Variants in RRM2 observed in about 807,000 individuals in gnomAD.
RRM2 encodes ribonucleoside-diphosphate reductase subunit M2.
A neutral mutation model predicts 45.9 loss-of-function variants in RRM2; 6 were observed. The ratio of observed to expected loss-of-function variants is 0.13; its 90% CI spans 0.07 to 0.26. The LOEUF (loss-of-function observed/expected upper bound fraction) is 0.26. RRM2 is among the 10% of genes least tolerant of loss of function. RRM2 has a pLI of 1.00. For missense variants in RRM2, 343 were observed against 489.5 expected, an observed-to-expected ratio of 0.70 and a Z score of 2.82; for synonymous variants, 177 against 173.0, an observed-to-expected ratio of 1.02 and a Z score of -0.18.
chr2:10,176,537 G>A (rs1663918213), intron 3 of RRM2, among the ~76,000 whole-genome samples: 1 of 152,226 alleles, frequency 6.6e-6, no homozygotes, highest in East Asian at 1.9e-4. Flanking sequence ...CAAAGTGCTG[G>A]GATTACAGGC....
Position 10,122,806 on chromosome 2 carries a change from C to T in RRM2, c.8C>T (p.Ser3Phe). Reference sequence around the variant, plus strand: ...CTTCGCTGCGCCTCCACTATGCTCTCCCTCCGTGTCCCGCTCGCGCCCATC... The same window carrying T: ...CTTCGCTGCGCCTCCACTATGCTCTTCCTCCGTGTCCCGCTCGCGCCCATC... The part of the protein sequence containing the change: ML[S>F]LRVPLAPITD... Residue 3 changes from serine to phenylalanine, a missense_variant, in exon 1 of 10, where the codon TCC becomes TTC. Around this residue, in one of 2 missense-constraint regions of RRM2, gnomAD observed 131 missense variants for 121.4 expected, o/e 1.08. Transcript: ENST00000304567. 5.0e-6 allele frequency: 8 copies of T among 1,591,734 alleles called. No homozygotes were observed. The highest frequency in any genetic ancestry group is 6.8e-6 in the Non-Finnish European group (8 of 1,170,656).
chr2:10,145,246 GC>G (rs1470575188), intron 3 of RRM2, among the ~76,000 whole-genome samples: 1 of 152,286 alleles, frequency 6.6e-6, no homozygotes, highest in South Asian at 2.1e-4. Flanking sequence ...GGTTTTTAGT[GC>G]TGTGCTGAGG....
upstream of RRM2, chr2:10,122,715 G>A: frequency 6.4e-7 from 1 of 1,551,186 alleles, no homozygotes; most frequent in Non-Finnish European, 8.7e-7. Flanking sequence ...GAGATTTAAA[G>A]GCTGCTGGAG....
At position 10,203,618 on chromosome 2, in the gene RRM2, G is replaced by T. The variant is rs112145855; in HGVS notation, n.483-6693G>T. On this transcript the variant is annotated intron_variant and non_coding_transcript_variant, in intron 3 of 3. Coordinates refer to the RRM2 transcript ENST00000381786. ...ATACAAAACTTAGCCAGGCGTGGTG[G>T]TGCAAGCCTGTAATTGCAGCTACTC... Among the ~76,000 whole-genome samples, 405 of 152,270 alleles carry T rather than the reference G, an allele frequency of 2.7e-3. 6 individuals are homozygous for T. Among genetic ancestry groups the T allele is most frequent in the African/African-American group, 8.4e-3 (349 of 41,538 alleles).
At chr2:10,163,454 C>G (rs1663611299) in intron 3 of RRM2, among the ~76,000 whole-genome samples, 1 of 152,178 alleles carries the variant, frequency 6.6e-6, no homozygotes, top group Non-Finnish European at 1.5e-5. Flanking sequence ...CCAGGTCCGA[C>G]AGCAAGCTCA....
At chr2:10,160,819 GCTGGCTGCTTTCTTGGGAAGCCAGGAC>G (rs1215052997) in intron 3 of RRM2, among the ~76,000 whole-genome samples, 3 of 152,204 alleles carry the variant, frequency 2.0e-5, no homozygotes, top group Admixed American at 6.5e-5. Flanking sequence ...CGCCAGGTGA[GCTGGCTGCTTTCTTGGGAAGCCAGGAC>G]CTTCCTGGCC....
chr2:10,187,112 C>T (rs950306862), intron 3 of RRM2, among the ~76,000 whole-genome samples: 7 of 152,212 alleles, frequency 4.6e-5, no homozygotes, highest in African/African-American at 1.2e-4. Flanking sequence ...CGTTTCCTGC[C>T]GGAGTGCTGG....
intron 3 of RRM2, among the ~76,000 whole-genome samples, chr2:10,176,108 C>T (rs1020302534): frequency 6.6e-6 from 1 of 152,194 alleles, no homozygotes; most frequent in African/African-American, 2.4e-5. Context: ...ATCCATTAAT[C>T]AATCAGTGGA....
chr2:10,152,565 T>C (rs1383215266), intron 3 of RRM2, among the ~76,000 whole-genome samples: 3 of 151,550 alleles, frequency 2.0e-5, no homozygotes, highest in Non-Finnish European at 4.4e-5. Context: ...TCATTGCAGC[T>C]TTGGCCTCCT....
rs902278651 is a variant in RRM2 at position 10,122,747 on chromosome 2, T to A, written c.-52T>A. 3 of 1,555,700 alleles carry A rather than the reference T, an allele frequency of 1.9e-6. No individual in the cohort carries two copies. The highest frequency in any genetic ancestry group is 2.6e-6 in the Non-Finnish European group (3 of 1,149,678). On this transcript the variant is annotated 5_prime_UTR_variant, in exon 1 of 10. Transcript: ENST00000304567. ...GGAGTGAGGGGTCGCCCGTGCACCC[T>A]GTCCCAGCCGTCCTGTCCTGGCTGC...
chr2:10,126,771 A>G, intron 5 of RRM2, 104 bp from the exon 6 acceptor site: 1 of 796,530 alleles, frequency 1.3e-6, no homozygotes, highest in Non-Finnish European at 2.1e-6. Context: ...AGGATTGGCA[A>G]ATACTTGAAT....
chr2:10,150,689 T>C (rs1300652585), intron 3 of RRM2, among the ~76,000 whole-genome samples: 1 of 150,962 alleles, frequency 6.6e-6, no homozygotes, highest in Non-Finnish European at 1.5e-5. Flanking sequence ...CCACTCCCAT[T>C]TTCAGACAAA....
intron 3 of RRM2, among the ~76,000 whole-genome samples, chr2:10,165,387 G>A (rs1663656207): frequency 6.6e-6 from 1 of 152,164 alleles, no homozygotes; most frequent in South Asian, 2.1e-4. Flanking sequence ...AGTCACATGT[G>A]GGGACCTCCC....
chr2:10,142,693 T>G (rs1310822874), intron 3 of RRM2, among the ~76,000 whole-genome samples: 1 of 150,656 alleles, frequency 6.6e-6, no homozygotes, highest in East Asian at 2.0e-4. Context: ...ACCTTCACCC[T>G]CCGCCAGTCC....
At chr2:10,164,217 G>A (rs2125320002) in intron 3 of RRM2, among the ~76,000 whole-genome samples, 1 of 152,306 alleles carries the variant, frequency 6.6e-6, no homozygotes, top group East Asian at 1.9e-4. Flanking sequence ...AGAGGCAGCA[G>A]AGTGTTATGA....
intron 3 of RRM2, among the ~76,000 whole-genome samples, chr2:10,197,623 G>C (rs1664444843): frequency 6.6e-6 from 1 of 152,148 alleles, no homozygotes; most frequent in South Asian, 2.1e-4. Flanking sequence ...CTGGGCGGTG[G>C]GCCCAGGGGA....
intron 3 of RRM2, among the ~76,000 whole-genome samples, chr2:10,203,195 C>G (rs183926300): frequency 1.1e-3 from 165 of 152,292 alleles, no homozygotes; most frequent in African/African-American, 3.5e-3. Context: ...TCGAGAGAAG[C>G]CAGCCCTCTG....
At position 10,130,950 on chromosome 2, in the gene RRM2, T is replaced by A. The variant is rs935551266; in HGVS notation, c.*1564T>A. Reference sequence around the variant, plus strand: ...TCTTAATAGGGCTACTTTGAATTAATCTGCCTTTATGTTTGGGAGAAGAAA... The same window carrying A: ...TCTTAATAGGGCTACTTTGAATTAAACTGCCTTTATGTTTGGGAGAAGAAA... On this transcript the variant is annotated 3_prime_UTR_variant, in exon 10 of 10. Transcript: ENST00000304567. 6.6e-6 allele frequency: 1 copy of A among 152,202 alleles called. No individual in the cohort carries two copies. The highest frequency in any genetic ancestry group is 6.5e-5 in the Admixed American group (1 of 15,270). 9.4% of individuals were successfully genotyped at this position (152,202 alleles called of 1,614,324 possible).
chr2:10,207,753 C>T (rs1225009769), intron 3 of RRM2, among the ~76,000 whole-genome samples: 2 of 152,134 alleles, frequency 1.3e-5, no homozygotes, highest in African/African-American at 2.4e-5. Context: ...ATTAAATGTT[C>T]CCCTCGTGCC....
Sources: allele counts gnomAD v4.1 joint callset (sites outside exome capture counted in the v4.1 genomes callset), GRCh38; gene constraint gnomAD v4.1.1; regional missense constraint gnomAD v4.1.1; transcripts MANE v1.5; gene names NCBI Gene and HGNC (gene_info 2026-07-23, HGNC 2026-07-21).